The following CCL26 variants were observed in gnomAD, a reference collection of about 807,000 sequenced individuals.
CCL26 encodes the protein C-C motif chemokine ligand 26, also known as C-C motif chemokine 26.
A neutral mutation model predicts 10.7 loss-of-function variants in CCL26; 10 were observed. That is an observed-to-expected ratio of 0.93 (90% confidence interval 0.57 to 1.58). CCL26 has a LOEUF of 1.58. Among genes scored for constraint, CCL26 ranks in the 40% most tolerant of loss-of-function variants. The pLI, the probability that CCL26 is intolerant of heterozygous loss-of-function variation, is 0.00. For missense variants in CCL26, 116 were observed against 111.0 expected, an observed-to-expected ratio of 1.05 and a Z score of -0.20; for synonymous variants, 43 against 41.4, an observed-to-expected ratio of 1.04 and a Z score of -0.15.
intron 1 of CCL26, among the ~76,000 whole-genome samples, chr7:75,782,760 G>A (rs781936199): frequency 2.0e-5 from 3 of 152,080 alleles, no homozygotes; most frequent in South Asian, 2.1e-4. Context: ...GGTGCCTGAC[G>A]TCCAGGCATT....
At chr7:75,790,864 A>C (rs1335699034), upstream of CCL26, among the ~76,000 whole-genome samples, 3 of 150,132 alleles carry the variant, frequency 2.0e-5, no homozygotes, top group East Asian at 6.1e-4. Flanking sequence ...GAATAGCTTG[A>C]GTTTGGAAGG....
upstream of CCL26, among the ~76,000 whole-genome samples, chr7:75,774,882 T>C (rs7794747): frequency 0.29 from 44,560 of 151,716 alleles, 7,152 homozygotes; most frequent in African/African-American, 0.43. Context: ...ATCATGCCAC[T>C]GCACTCCAGC....
chr7:75,771,864 G>A, intron 2 of CCL26, 25 bp downstream of exon 2: 1 of 1,549,270 alleles, frequency 6.5e-7, no homozygotes, highest in Non-Finnish European at 8.9e-7. Context: ...TGGGGCCCCA[G>A]AAAGTACGTC....
intron 1 of CCL26, among the ~76,000 whole-genome samples, chr7:75,777,823 CT>C (rs112719253): frequency 1.6e-3 from 224 of 136,986 alleles, no homozygotes; most frequent in Admixed American, 1.6e-3. Context: ...CAAAACTAAT[CT>C]TTTTTTTTTT....
chr7:75,780,891 G>A (rs1225485509), intron 1 of CCL26, among the ~76,000 whole-genome samples: 4 of 151,944 alleles, frequency 2.6e-5, no homozygotes, highest in Non-Finnish European at 5.9e-5. Flanking sequence ...CACCCCGTCC[G>A]GCTTACAGTT....
Position 75,769,740 on chromosome 7 carries a change from A to G in CCL26, c.238T>C (p.Trp80Arg), listed in dbSNP as rs201280389. 1.2e-6 allele frequency: 2 copies of G among 1,613,058 alleles called. No homozygotes were observed. Among genetic ancestry groups the G allele is most frequent in the Non-Finnish European group, 1.7e-6 (2 of 1,179,150 alleles). ...AGTAAAGAAATGTATTTTTGCACCC[A>G]TTTTTTCCTTGGATGGGTACAGACT... ...KKVCTHPRKK[W>R]VQKYISLLKT... The change falls in exon 3 of 3, where the codon TGG becomes CGG. Residue 80 changes from tryptophan (W) to arginine (R), a missense_variant. Physicochemically the swap from Trp to Arg is moderately radical, Grantham distance 101. Coordinates refer to ENST00000005180, the MANE Select transcript of CCL26 (RefSeq NM_001371938.1).
intron 1 of CCL26, among the ~76,000 whole-genome samples, chr7:75,779,303 A>G (rs1803009699): frequency 6.6e-6 from 1 of 152,130 alleles, no homozygotes; most frequent in South Asian, 2.1e-4. Flanking sequence ...CACGGACGCG[A>G]GTGGAATTTG....
At chr7:75,775,295 C>T (rs2115652738), upstream of CCL26, among the ~76,000 whole-genome samples, 1 of 152,220 alleles carries the variant, frequency 6.6e-6, no homozygotes, top group Non-Finnish European at 1.5e-5. Flanking sequence ...CTGTTCTTTA[C>T]AAAAATGCTT....
At chr7:75,780,849 C>T (rs1803044676) in intron 1 of CCL26, among the ~76,000 whole-genome samples, 1 of 152,170 alleles carries the variant, frequency 6.6e-6, no homozygotes, top group Non-Finnish European at 1.5e-5. Flanking sequence ...CGCTCCCCCA[C>T]CCTACAATCC....
intron 2 of CCL26, among the ~76,000 whole-genome samples, chr7:75,770,254 G>A (rs1205365571): frequency 1.3e-5 from 2 of 151,842 alleles, no homozygotes; most frequent in Admixed American, 1.3e-4. Flanking sequence ...GTTTTTAATA[G>A]AGACAAGGTT....
chr7:75,788,584 C>T (rs1554530313), intron 1 of CCL26, among the ~76,000 whole-genome samples: 2 of 151,956 alleles, frequency 1.3e-5, no homozygotes, highest in African/African-American at 4.8e-5. Flanking sequence ...ACTAAAAGTA[C>T]TAACATTAGC....
Position 75,789,096 on chromosome 7 carries a change from A to ATTTTTTT in CCL26, c.-79+614_-79+620dup, listed in dbSNP as rs527793902. Among the ~76,000 whole-genome samples the ATTTTTTT allele has an allele frequency of 8.1e-5, 9 of 110,884 alleles. 2 individuals are homozygous for ATTTTTTT. The highest frequency in any genetic ancestry group is 2.4e-4 in the African/African-American group (7 of 28,746). The allele number at this position is 110,884 out of a possible 152,430, so 72.7% of individuals were successfully genotyped here. A position where few individuals can be genotyped will look rare whatever the true frequency, so the allele number is the denominator to read the frequency against. On this transcript the variant is annotated intron_variant, in intron 1 of 3. Coordinates refer to the CCL26 transcript ENST00000394905. ...ACCACCGTGCCCAGTTCATTTTTTG[A>ATTTTTTT]TTTTTTTTTTTTTTTTTGTAGAGAT...
rs961175565 is a variant in CCL26 at position 75,789,371 on chromosome 7, T to C, written c.-79+346A>G. On this transcript the variant is annotated intron_variant, in intron 1 of 3. Transcript: ENST00000394905. ...TGTAATATGGGAGCCATGGCCTCCC[T>C]ACGTTCTCTCCCTCCTTCCTTGAGA... is the stretch of plus-strand genomic sequence containing the variant. Among the ~76,000 whole-genome samples, 4 of 152,136 alleles carry C rather than the reference T, an allele frequency of 2.6e-5. No individual in the cohort carries two copies. The East Asian group carries it at 7.7e-4, about 29-fold the overall frequency.
upstream of CCL26, among the ~76,000 whole-genome samples, chr7:75,776,738 G>A (rs114770717): frequency 0.015 from 2,355 of 152,140 alleles, 57 homozygotes; most frequent in African/African-American, 0.052. Flanking sequence ...CACTTAAACC[G>A]CAGTGTGCCA....
At chr7:75,780,963 G>A (rs1338945883) in intron 1 of CCL26, among the ~76,000 whole-genome samples, 2 of 152,170 alleles carry the variant, frequency 1.3e-5, no homozygotes, top group African/African-American at 2.4e-5. Context: ...GGTGGCGGGA[G>A]CTAAAGGCAT....
At chr7:75,779,789 C>T (rs537450991) in intron 1 of CCL26, among the ~76,000 whole-genome samples, 14 of 152,210 alleles carry the variant, frequency 9.2e-5, no homozygotes, top group African/African-American at 2.7e-4. Flanking sequence ...ATTGCAGGGA[C>T]GCCTGCTTTG....
chr7:75,773,481 C>G (rs1802873920), upstream of CCL26, among the ~76,000 whole-genome samples: 1 of 151,980 alleles, frequency 6.6e-6, no homozygotes, highest in African/African-American at 2.4e-5. Context: ...GTCTTAAACT[C>G]TTGGCTCAAG....
At chr7:75,781,333 C>G (rs1803056414) in intron 1 of CCL26, among the ~76,000 whole-genome samples, 1 of 152,188 alleles carries the variant, frequency 6.6e-6, no homozygotes, top group Non-Finnish European at 1.5e-5. Flanking sequence ...AGACAAACCC[C>G]AGCCACATCT....
In CCL26 at chr7:75,778,247, G is replaced by C. The variant is rs1415054459; in HGVS notation, c.-78-5993C>G. On this transcript the variant is annotated intron_variant, in intron 1 of 3. Transcript: ENST00000394905. Reference sequence around the variant, plus strand: ...AAATGTTTTGTTCTAATTGAGACATGGTCTCACTCTGTCACCCAGGCTGGA... The same window carrying C: ...AAATGTTTTGTTCTAATTGAGACATCGTCTCACTCTGTCACCCAGGCTGGA... Among the ~76,000 whole-genome samples the C allele has an allele frequency of 2.5e-4, 38 of 150,272 alleles. No homozygotes were observed. The Admixed American group carries it at 2.5e-3, about 10-fold the overall frequency.
Sources: allele counts gnomAD v4.1 joint callset (sites outside exome capture counted in the v4.1 genomes callset), GRCh38; gene constraint gnomAD v4.1.1; transcripts MANE v1.5; gene names NCBI Gene and HGNC (gene_info 2026-07-23, HGNC 2026-07-21).